KITLG: variants seen among roughly 807,000 people sequenced by gnomAD.
KITLG encodes KIT ligand.
In KITLG, 13 loss-of-function variants were observed where a neutral mutation model predicts 34.1. The observed-to-expected ratio is 0.38, with a 90% confidence interval of 0.25 to 0.61. The LOEUF (loss-of-function observed/expected upper bound fraction) is 0.61, where lower values mean the gene tolerates loss of function less well. KITLG is among the 20% of genes least tolerant of loss of function. The pLI, the probability that KITLG is intolerant of heterozygous loss-of-function variation, is 0.60. For synonymous variants in KITLG, 110 were observed against 104.0 expected (o/e 1.06, Z -0.35); for missense variants, 292 against 318.9 (o/e 0.92, Z 0.64).
At chr12:88,555,528 T>A (rs1871066949) in intron 1 of KITLG, among the ~76,000 whole-genome samples, 1 of 152,234 alleles carries the variant, frequency 6.6e-6, no homozygotes, top group African/African-American at 2.4e-5. Context: ...TTATATTTAA[T>A]GAACTACTAA....
intron 4 of KITLG, among the ~76,000 whole-genome samples, chr12:88,517,811 G>A (rs552635018): frequency 1.6e-4 from 25 of 152,154 alleles, no homozygotes; most frequent in Non-Finnish European, 3.1e-4. Context: ...ATTGAAGTTG[G>A]GTCTTACAGA....
intron 2 of KITLG, among the ~76,000 whole-genome samples, chr12:88,534,409 T>C (rs1870225492): frequency 6.6e-6 from 1 of 152,154 alleles, no homozygotes; most frequent in South Asian, 2.1e-4. Flanking sequence ...AGTCTCACTC[T>C]GTCACCCAGG....
chr12:88,576,236 T>C (rs1281788100), intron 1 of KITLG, among the ~76,000 whole-genome samples: 2 of 152,204 alleles, frequency 1.3e-5, no homozygotes, highest in Non-Finnish European at 2.9e-5. Flanking sequence ...TAGCACCTCT[T>C]AAGCCCACAT....
intron 3 of KITLG, among the ~76,000 whole-genome samples, chr12:88,530,321 A>C (rs1566024849): frequency 6.6e-6 from 1 of 152,196 alleles, no homozygotes; most frequent in South Asian, 2.1e-4. Flanking sequence ...GTCACGTTCT[A>C]ATTGTATAGC....
intron 9 of KITLG, among the ~76,000 whole-genome samples, chr12:88,502,116 T>C (rs550002994): frequency 1.3e-5 from 2 of 152,286 alleles, no homozygotes; most frequent in East Asian, 3.9e-4. Flanking sequence ...TTTGCAGAGA[T>C]GACGAGTAAG....
intron 9 of KITLG, among the ~76,000 whole-genome samples, chr12:88,497,745 A>C (rs1868697363): frequency 6.6e-6 from 1 of 152,160 alleles, no homozygotes; most frequent in Non-Finnish European, 1.5e-5. Context: ...AGAGATCCCT[A>C]AGACAGGTGG....
In KITLG at chr12:88,539,234, C is replaced by T. The variant is rs147136359; in HGVS notation, c.129+6518G>A. ...GCCACCTTGGACATCTTTGCAAGACCCTTACTTGTTATGCTGTCTCTCCCA... is the reference window on the plus strand; with the variant it reads ...GCCACCTTGGACATCTTTGCAAGACTCTTACTTGTTATGCTGTCTCTCCCA... On this transcript the variant is annotated intron_variant, in intron 2 of 9. Transcript: ENST00000644744. Among the ~76,000 whole-genome samples, 39 of 152,162 alleles carry T rather than the reference C, an allele frequency of 2.6e-4. No individual in the cohort carries two copies. The East Asian group carries it at 6.8e-3, about 26-fold the overall frequency.
At chr12:88,514,707 T>C (rs1869396065) in intron 6 of KITLG, among the ~76,000 whole-genome samples, 1 of 149,068 alleles carries the variant, frequency 6.7e-6, no homozygotes, top group Middle Eastern at 3.4e-3. Flanking sequence ...TATTTTAGAG[T>C]TTTTTTAAAT....
intron 3 of KITLG, among the ~76,000 whole-genome samples, chr12:88,524,126 T>C (rs764973486): frequency 3.3e-5 from 5 of 152,336 alleles, no homozygotes; most frequent in Non-Finnish European, 7.3e-5. Context: ...ATTCAGGGCT[T>C]CAGTTTCTCC....
intron 1 of KITLG, 58 bp downstream of exon 1, chr12:88,580,206 G>A (rs1245412491): frequency 1.3e-6 from 2 of 1,565,702 alleles, no homozygotes; most frequent in Non-Finnish European, 1.7e-6. Context: ...GCTTCCCCGG[G>A]GCACCGGGCG....
Position 88,507,033 on chromosome 12 carries a change from A to G in KITLG, c.709T>C (p.Trp237Arg). ...AAAGGAATGGTACCACTTACCTTCCAGTATAAGGCTCCAAAAGCAAAGCCA... is the reference window on the plus strand; with the variant it reads ...AAAGGAATGGTACCACTTACCTTCCGGTATAAGGCTCCAAAAGCAAAGCCA... ...IIGFAFGALY[W>R]KKRQPSLTRA... The change falls in exon 7 of 10, where the codon TGG becomes CGG. Residue 237 changes from tryptophan to arginine, a missense_variant. By Grantham distance (101) the Trp-to-Arg change is moderately radical. Coordinates refer to ENST00000644744, the MANE Select transcript of KITLG (RefSeq NM_000899.5). 1 of 1,542,078 alleles carries G rather than the reference A, an allele frequency of 6.5e-7. No individual in the cohort carries two copies.
At chr12:88,545,723 C>T in intron 2 of KITLG, 29 bp downstream of exon 2, 1 of 1,278,202 alleles carries the variant, frequency 7.8e-7, no homozygotes, top group Non-Finnish European at 1.1e-6. Context: ...CTCTTTTTTA[C>T]ACAGCACGGT....
At chr12:88,539,165 T>C (rs991312387) in intron 2 of KITLG, among the ~76,000 whole-genome samples, 2 of 152,174 alleles carry the variant, frequency 1.3e-5, no homozygotes, top group African/African-American at 4.8e-5. Context: ...TTGGATCTCA[T>C]GGTTCAAGGG....
intron 2 of KITLG, chr12:88,534,823 A>G (rs577371856): frequency 1.8e-4 from 66 of 374,168 alleles, no homozygotes; most frequent in South Asian, 1.3e-3. Flanking sequence ...CTTAATCTTC[A>G]TCCTCATCTT....
At chr12:88,503,145 T>C (rs958238775) in intron 9 of KITLG, among the ~76,000 whole-genome samples, 1 of 152,128 alleles carries the variant, frequency 6.6e-6, no homozygotes, top group African/African-American at 2.4e-5. Context: ...AAGAGTATGA[T>C]TGAAGGTAAA....
chr12:88,540,955 T>C (rs1193890350), intron 2 of KITLG, among the ~76,000 whole-genome samples: 1 of 152,160 alleles, frequency 6.6e-6, no homozygotes, highest in East Asian at 1.9e-4. Flanking sequence ...AACAAAATTA[T>C]GTGAAATCTT....
intron 2 of KITLG, among the ~76,000 whole-genome samples, chr12:88,537,607 A>G (rs1468804033): frequency 2.6e-5 from 4 of 152,128 alleles, no homozygotes; most frequent in Non-Finnish European, 5.9e-5. Context: ...CTTCAAATGT[A>G]GCTGCTGAAT....
intron 2 of KITLG, among the ~76,000 whole-genome samples, chr12:88,538,994 A>T (rs1870426479): frequency 6.6e-6 from 1 of 152,214 alleles, no homozygotes; most frequent in Non-Finnish European, 1.5e-5. Flanking sequence ...TCCATGGGAG[A>T]ACAGCATTTG....
At chr12:88,554,278 C>T (rs918490781) in intron 1 of KITLG, among the ~76,000 whole-genome samples, 1 of 152,058 alleles carries the variant, frequency 6.6e-6, no homozygotes, top group African/African-American at 2.4e-5. Context: ...AAATAAAATA[C>T]AGAAAAAAAG....
Sources: allele counts gnomAD v4.1 joint callset (sites outside exome capture counted in the v4.1 genomes callset), GRCh38; gene constraint gnomAD v4.1.1; transcripts MANE v1.5; gene names NCBI Gene and HGNC (gene_info 2026-07-23, HGNC 2026-07-21).